DMD: variants seen among roughly 807,000 people sequenced by gnomAD.
DMD encodes dystrophin.
DMD carries 63 observed loss-of-function variants against 330.1 expected under a neutral mutation model. The ratio of observed to expected loss-of-function variants is 0.19; its 90% CI spans 0.16 to 0.24. DMD has a LOEUF of 0.24. Among genes scored for constraint, DMD ranks in the 10% least tolerant of loss-of-function variants. DMD has a pLI of 1.00. For synonymous variants in DMD, 1,223 were observed against 959.8 expected (o/e 1.27, Z -5.07); for missense variants, 3,344 against 2,684.1 (o/e 1.25, Z -5.43).
chrX:31,862,664 T>C (rs1166689681), intron 48 of DMD, among the ~76,000 whole-genome samples: 1 of 112,526 alleles, frequency 8.9e-6, no homozygotes, highest in African/African-American at 3.2e-5. Flanking sequence ...ACCTGCGTTA[T>C]ATTCTTTGGT....
chrX:33,091,552 A>T (rs1000960929), intron 1 of DMD, among the ~76,000 whole-genome samples: 4 of 112,194 alleles, frequency 3.6e-5, no homozygotes, highest in African/African-American at 6.5e-5. Flanking sequence ...ATACATAGAA[A>T]GTTCTATGTT....
intron 7 of DMD, among the ~76,000 whole-genome samples, chrX:32,799,849 T>G (rs2076422473): frequency 9.0e-6 from 1 of 111,225 alleles, no homozygotes; most frequent in South Asian, 3.7e-4. Flanking sequence ...CTAAACACAC[T>G]AGAAACAGCT....
rs151150613 is a variant in DMD, at chrX:32,882,997, G to A, written c.94-33177C>T. Among the ~76,000 whole-genome samples the A allele has an allele frequency of 1.2e-4, 13 of 112,186 alleles. No homozygotes were observed. The East Asian group carries it at 3.7e-3, about 32-fold the overall frequency. On this transcript the variant is annotated intron_variant, in intron 2 of 78. Coordinates refer to ENST00000357033, the MANE Select transcript of DMD (RefSeq NM_004006.3). ...CTAGATTGTTTTCTTTACCTGCAGGGCTTTCTGCAGTATGTCTTAATAGTA... is the reference window on the plus strand; with the variant it reads ...CTAGATTGTTTTCTTTACCTGCAGGACTTTCTGCAGTATGTCTTAATAGTA...
At chrX:32,491,088 A>C (rs755564419) in intron 20 of DMD, among the ~76,000 whole-genome samples, 189 bp downstream of exon 20, 1 of 112,802 alleles carries the variant, frequency 8.9e-6, no homozygotes, top group Admixed American at 9.4e-5. Context: ...ATACAATTTT[A>C]GAATCCGGGT....
chrX:31,348,485 G>A, intron 61 of DMD, 71 bp downstream of exon 61: 1 of 939,369 alleles, frequency 1.1e-6, no homozygotes. Flanking sequence ...TAATTCTTTT[G>A]TTTTTTCAAC....
At chrX:33,216,464 C>T (rs540777382), upstream of DMD, among the ~76,000 whole-genome samples, 13 of 110,925 alleles carry the variant, frequency 1.2e-4, no homozygotes, top group South Asian at 2.3e-3. Context: ...TGGAGGGAAG[C>T]GGGTGTGAGC....
In DMD at chrX:31,929,200, C is replaced by T. The variant is rs190209885; in HGVS notation, c.6912+396G>A. On this transcript the variant is annotated intron_variant, in intron 47 of 78. Coordinates refer to ENST00000357033, the MANE Select transcript of DMD (RefSeq NM_004006.3). ...GTTAGTGTACATTAATTATTAAGTC[C>T]ATACCACAGGTGTGAATAATTAATT... 1.5e-3 allele frequency among the ~76,000 whole-genome samples: 166 copies of T among 111,549 alleles called. 1 individual carries two copies. Among genetic ancestry groups the T allele is most frequent in the Admixed American group, 3.5e-3 (37 of 10,505 alleles).
At chrX:32,913,904 T>C (rs2087532151) in intron 2 of DMD, among the ~76,000 whole-genome samples, 1 of 111,820 alleles carries the variant, frequency 8.9e-6, no homozygotes, top group Non-Finnish European at 1.9e-5. Context: ...CTTCACAGGA[T>C]TGAACAACAG....
At chrX:31,308,185 T>C (rs758103947) in intron 62 of DMD, among the ~76,000 whole-genome samples, 111 of 112,075 alleles carry the variant, frequency 9.9e-4, no homozygotes, top group African/African-American at 3.6e-3. Context: ...TATTAAGACA[T>C]AGGCTTACAT....
chrX:31,149,053 C>T (rs1038871110), intron 74 of DMD, among the ~76,000 whole-genome samples: 2 of 111,996 alleles, frequency 1.8e-5, no homozygotes, highest in Non-Finnish European at 3.8e-5. Context: ...GTTTTGTTCA[C>T]GAAAATCTTT....
At chrX:33,202,656 C>T (rs1382922153) in intron 1 of DMD, among the ~76,000 whole-genome samples, 1 of 111,993 alleles carries the variant, frequency 8.9e-6, no homozygotes, top group Non-Finnish European at 1.9e-5. Context: ...CTCTAATTCA[C>T]ATCTCTGTAT....
rs777117672 is a variant in DMD, at chrX:33,313,299, T to C, written c.7+25960A>G. On this transcript the variant is annotated intron_variant, in intron 1 of 17. Coordinates refer to the DMD transcript ENST00000288447. ...CTATACTGTTTTTAGTTGCAAATGGTTAAATCCTTTCATCCCATTTGGTTA... is the reference window on the plus strand; with the variant it reads ...CTATACTGTTTTTAGTTGCAAATGGCTAAATCCTTTCATCCCATTTGGTTA... Among the ~76,000 whole-genome samples the C allele has an allele frequency of 7.3e-4, 82 of 112,031 alleles. 1 individual carries two copies. Among genetic ancestry groups the C allele is most frequent in the Non-Finnish European group, 1.4e-3 (74 of 53,206 alleles).
intron 7 of DMD, among the ~76,000 whole-genome samples, chrX:32,713,805 A>G (rs2065417455): frequency 9.0e-6 from 1 of 111,678 alleles, no homozygotes. Context: ...TCCTCGACTT[A>G]TGACAGGGTT....
At chrX:32,251,276 A>G (rs959079397) in intron 43 of DMD, among the ~76,000 whole-genome samples, 1 of 111,324 alleles carries the variant, frequency 9.0e-6, no homozygotes, top group South Asian at 3.8e-4. Context: ...ACCCACTCAC[A>G]TAACTTTAAA....
intron 7 of DMD, among the ~76,000 whole-genome samples, chrX:32,736,065 T>A (rs1301530082): frequency 3.6e-5 from 4 of 111,047 alleles, no homozygotes; most frequent in Admixed American, 1.9e-4. Flanking sequence ...CAAACAAATT[T>A]ACAAGAAAAA....
intron 50 of DMD, among the ~76,000 whole-genome samples, chrX:31,807,499 C>A (rs1603474249): frequency 9.1e-6 from 1 of 110,447 alleles, no homozygotes; most frequent in East Asian, 2.8e-4. Context: ...AGCCTATCAT[C>A]TTAATGTCTT....
At chrX:32,761,330 G>A (rs1262181215) in intron 7 of DMD, among the ~76,000 whole-genome samples, 1 of 108,590 alleles carries the variant, frequency 9.2e-6, no homozygotes. Context: ...ACTGAAGAGA[G>A]ACACTCAGAA....
chrX:32,643,069 TTATAA>T (rs1251587772), intron 11 of DMD, among the ~76,000 whole-genome samples: 1 of 111,116 alleles, frequency 9.0e-6, no homozygotes, highest in African/African-American at 3.3e-5. Flanking sequence ...GACTCAACAG[TTATAA>T]TATGATTATT....
At chrX:31,965,639 T>C (rs1447273502) in intron 45 of DMD, among the ~76,000 whole-genome samples, 2 of 111,818 alleles carry the variant, frequency 1.8e-5, no homozygotes, top group Admixed American at 9.5e-5. Context: ...TAAAGACTTG[T>C]ACACAGGCTT....
Sources: gnomAD v4.1 joint callset for allele counts (sites outside exome capture counted in the v4.1 genomes callset) on GRCh38, gnomAD v4.1.1 for gene constraint, MANE v1.5 for transcripts, NCBI Gene and HGNC (gene_info 2026-07-23, HGNC 2026-07-21) for gene names.